The following UPF3B variants were observed in gnomAD, a reference collection of about 807,000 sequenced individuals.
UPF3B encodes regulator of nonsense transcripts 3B.
UPF3B carries 7 observed loss-of-function variants against 40.3 expected under a neutral mutation model. That is an observed-to-expected ratio of 0.17 (90% CI 0.10 to 0.33). The LOEUF (loss-of-function observed/expected upper bound fraction) is 0.33. UPF3B is among the 10% of genes least tolerant of loss of function. The pLI is 1.00. For synonymous variants in UPF3B, 117 were observed against 117.3 expected (o/e 1.00, Z 0.01); for missense variants, 229 against 358.9 (o/e 0.64, Z 2.93).
At position 119,838,389 on chromosome X, in the gene UPF3B, G is replaced by A. The variant is rs1391868194; in HGVS notation, c.985C>T (p.Leu329Phe). Residue 329 changes from leucine to phenylalanine, a missense_variant, in exon 9 of 11, where the codon CTT becomes TTT. Leu to Phe is a conservative substitution (Grantham distance 22). Transcript: ENST00000276201. ...GACCTCTTTGGTTTTTCATCTTTAA[G>A]TTCGCTATCAGAACGCTTGGGCAAT... ...CTLPKRSDSELKDEKPKRPED... is the reference protein window; with the variant it reads ...CTLPKRSDSEFKDEKPKRPED... 1.7e-6 allele frequency: 2 copies of A among 1,210,199 alleles called. No individual in the cohort carries two copies. The highest frequency in any genetic ancestry group is 4.4e-5 in the Admixed American group (2 of 45,707).
chrX:119,807,530 A>C, exon 6 of UPF3B: 4 of 865,986 alleles, frequency 4.6e-6, no homozygotes, highest in Non-Finnish European at 5.7e-6. Flanking sequence ...TGCCACCAGA[A>C]TCGACCTGGG....
At chrX:119,815,111 C>T in intron 5 of UPF3B, 1 of 411,125 alleles carries the variant, frequency 2.4e-6, no homozygotes, top group Non-Finnish European at 3.1e-6. Flanking sequence ...GGTAATCCAC[C>T]CGCCTCGGCC....
At position 119,807,368 on chromosome X, in the gene UPF3B, G is replaced by A. The variant is rs755709155; in HGVS notation, c.*11+107C>T. The A allele has an allele frequency of 4.3e-3, 3,726 of 859,011 alleles. 7 individuals are homozygous for A. The highest frequency in any genetic ancestry group is 5.1e-3 in the Non-Finnish European group (3,500 of 681,017). 70.8% of individuals were successfully genotyped at this position (859,011 alleles called of 1,213,427 possible). Reference sequence around the variant, plus strand: ...TATTCTTTGCCCTGAAGGCACTTCTGGATTGCTTAACGTGTGCTCTTTGGC... The same window carrying A: ...TATTCTTTGCCCTGAAGGCACTTCTAGATTGCTTAACGTGTGCTCTTTGGC... On this transcript the variant is annotated intron_variant, in intron 6 of 6. Coordinates refer to the UPF3B transcript ENST00000636792.
intron 6 of UPF3B, 135 bp from the exon 7 acceptor site, chrX:119,841,393 T>A: frequency 9.9e-7 from 1 of 1,014,286 alleles, no homozygotes; most frequent in Non-Finnish European, 1.3e-6. Context: ...TCTACCACCG[T>A]TATCCCCACT....
intron 7 of UPF3B, 22 bp from the exon 8 acceptor site, chrX:119,840,706 C>T: frequency 1.7e-6 from 2 of 1,197,439 alleles, no homozygotes; most frequent in African/African-American, 1.8e-5. Context: ...GGAAAACAAA[C>T]AGATGAGGTA....
Position 119,838,406 on chromosome X carries a change from T to C in UPF3B, c.968A>G (p.Lys323Arg), listed in dbSNP as rs769708581. The change falls in exon 9 of 11, where the codon AAG becomes AGG. Residue 323 changes from lysine (K) to arginine (R), a missense_variant. Physicochemically the swap from Lys to Arg is conservative, Grantham distance 26. This residue lies in a region of UPF3B where 119 missense variants were observed against 153.8 expected (regional missense o/e 0.77). Coordinates refer to ENST00000276201, the MANE Select transcript of UPF3B (RefSeq NM_080632.3). The stretch of plus-strand genomic sequence containing the variant: ...ATCTTTAAGTTCGCTATCAGAACGC[T>C]TGGGCAATGTACAACTTTGCCCACT... ...RASGQSCTLP[K>R]RSDSELKDEK... 1.6e-5 allele frequency: 19 copies of C among 1,210,677 alleles called. No homozygotes were observed. The highest frequency in any genetic ancestry group is 2.0e-5 in the Non-Finnish European group (18 of 895,381).
chrX:119,851,747 C>CATTTTTTTTT lies in UPF3B; in HGVS notation c.263+19_263+20insAAAAAAAAAT. ...AGAAACCTTTTTCATTTACCCCTTT[C>CATTTTTTTTT]CTTTTTTTTTTTTTTTTACCTCGTA... On this transcript the variant is annotated intron_variant, in intron 2 of 10. Coordinates refer to ENST00000276201, the MANE Select transcript of UPF3B (RefSeq NM_080632.3). 2.4e-6 allele frequency: 1 copy of CATTTTTTTTT among 415,629 alleles called. No homozygotes were observed. Among genetic ancestry groups the CATTTTTTTTT allele is most frequent in the Non-Finnish European group, 3.2e-6 (1 of 307,926 alleles). The allele number at this position is 415,629 out of a possible 1,213,427, so 34.3% of individuals were successfully genotyped here. A position where few individuals can be genotyped will look rare whatever the true frequency, so the allele number is the denominator to read the frequency against.
At chrX:119,832,267 T>G (rs2056044629), downstream of UPF3B, among the ~76,000 whole-genome samples, 1 of 111,696 alleles carries the variant, frequency 9.0e-6, no homozygotes, top group Non-Finnish European at 1.9e-5. Context: ...CCCATTTCAT[T>G]CCTTTTTTTG....
chrX:119,846,460 G>A (rs1359701110), intron 3 of UPF3B, among the ~76,000 whole-genome samples: 3 of 105,059 alleles, frequency 2.9e-5, no homozygotes, highest in Non-Finnish European at 3.9e-5. Flanking sequence ...CCTGGGAGGC[G>A]GAGGTTGCAG....
chrX:119,811,733 C>A (rs1468894011), intron 5 of UPF3B, among the ~76,000 whole-genome samples: 1 of 110,802 alleles, frequency 9.0e-6, no homozygotes, highest in Non-Finnish European at 1.9e-5. Flanking sequence ...GGGCGGATTG[C>A]TTGAGCCCAA....
chrX:119,822,983 G>T, exon 4 of UPF3B: 1 of 901,420 alleles, frequency 1.1e-6, no homozygotes, highest in South Asian at 3.0e-5. Context: ...TTGTCATCAG[G>T]GTGCCAGAGT....
intron 3 of UPF3B, among the ~76,000 whole-genome samples, chrX:119,846,521 A>G (rs148499983): frequency 6.5e-4 from 69 of 105,942 alleles, no homozygotes; most frequent in Non-Finnish European, 1.1e-3. Context: ...AAAAAAAAAA[A>G]AAAGAAAAAG....
In UPF3B at chrX:119,822,605, A is replaced by AT. The variant is rs200678489; in HGVS notation, c.494+336dup. Reference sequence around the variant, plus strand: ...TCTGCTGCGTACTCCTCTCCTCTTTATTTTTTTTTAATTTTTTTGGAGATA... The same window carrying AT: ...TCTGCTGCGTACTCCTCTCCTCTTTATTTTTTTTTTAATTTTTTTGGAGATA... On this transcript the variant is annotated intron_variant, in intron 4 of 6. Coordinates refer to the UPF3B transcript ENST00000636792. 2.0e-3 allele frequency among the ~76,000 whole-genome samples: 216 copies of AT among 109,541 alleles called. 2 individuals are homozygous for AT. The East Asian group carries it at 0.032, about 16-fold the overall frequency.
intron 10 of UPF3B, among the ~76,000 whole-genome samples, 199 bp downstream of exon 10, chrX:119,837,558 G>A (rs1175579236): frequency 9.5e-6 from 1 of 104,802 alleles, no homozygotes; most frequent in Non-Finnish European, 2.0e-5. Context: ...GGAGCTTGCA[G>A]TGAGCCGAGA....
intron 5 of UPF3B, among the ~76,000 whole-genome samples, chrX:119,813,506 C>T (rs529730164): frequency 3.5e-4 from 39 of 110,692 alleles, no homozygotes; most frequent in Middle Eastern, 9.4e-3. Context: ...GTGAGATTCC[C>T]GACTTGTACA....
At chrX:119,811,036 C>T (rs1038523342) in intron 5 of UPF3B, among the ~76,000 whole-genome samples, 8 of 108,556 alleles carry the variant, frequency 7.4e-5, no homozygotes, top group African/African-American at 2.0e-4. Context: ...GTCTATTTTC[C>T]ACAAACTTTT....
chrX:119,818,571 C>T (rs2055885141), intron 4 of UPF3B, among the ~76,000 whole-genome samples: 1 of 111,546 alleles, frequency 9.0e-6, no homozygotes, highest in Non-Finnish European at 1.9e-5. Context: ...GAGACTAAGA[C>T]CAACTATTAA....
intron 3 of UPF3B, among the ~76,000 whole-genome samples, chrX:119,824,196 C>G (rs768016184): frequency 2.5e-4 from 24 of 96,270 alleles, no homozygotes; most frequent in Non-Finnish European, 5.0e-4. Flanking sequence ...AGCTTAGGGG[C>G]AAGAGGCTCC....
At chrX:119,842,580 TCACA>T (rs773370806) in intron 5 of UPF3B, among the ~76,000 whole-genome samples, 964 of 71,429 alleles carry the variant, frequency 0.013, 5 homozygotes, top group Middle Eastern at 0.078. Flanking sequence ...ACTCCATCTC[TCACA>T]CACACACACA....
Sources: gnomAD v4.1 joint callset for allele counts (sites outside exome capture counted in the v4.1 genomes callset) on GRCh38, gnomAD v4.1.1 for gene constraint, gnomAD v4.1.1 regional missense constraint, MANE v1.5 for transcripts, NCBI Gene and HGNC (gene_info 2026-07-23, HGNC 2026-07-21) for gene names.